Variants in ZFPM2 observed in about 807,000 individuals in gnomAD.
ZFPM2 encodes zinc finger protein, FOG family member 2, also known as zinc finger protein ZFPM2.
In ZFPM2, 20 loss-of-function variants were observed where a neutral mutation model predicts 98.6. The ratio of observed to expected loss-of-function variants is 0.20; its 90% CI spans 0.14 to 0.29. The LOEUF is 0.29. ZFPM2 is among the 10% of genes least tolerant of loss of function. The pLI, the probability that ZFPM2 is intolerant of heterozygous loss-of-function variation, is 1.00. For synonymous variants in ZFPM2, 518 were observed against 502.7 expected (o/e 1.03, Z -0.41); for missense variants, 1,310 against 1,388.6 (o/e 0.94, Z 0.90).
intron 5 of ZFPM2, among the ~76,000 whole-genome samples, chr8:105,687,757 A>G (rs1810774971): frequency 6.6e-6 from 1 of 152,190 alleles, no homozygotes; most frequent in South Asian, 2.1e-4. Context: ...AGGAAATTAG[A>G]ACATGCTTGT....
intron 6 of ZFPM2, among the ~76,000 whole-genome samples, chr8:105,791,395 C>T (rs1177161144): frequency 6.6e-6 from 1 of 152,042 alleles, no homozygotes; most frequent in Admixed American, 6.6e-5. Flanking sequence ...ATTACATTTA[C>T]TGATTTGCGT....
chr8:105,569,984 C>T (rs1033121423), intron 4 of ZFPM2, among the ~76,000 whole-genome samples: 4 of 152,138 alleles, frequency 2.6e-5, no homozygotes, highest in African/African-American at 9.7e-5. Flanking sequence ...TCTAATTGGG[C>T]TTAAGCCAGT....
Position 105,803,641 on chromosome 8 carries a change from A to AGAT in ZFPM2, c.*104_*106dup, listed in dbSNP as rs1429387396. On this transcript the variant is annotated 3_prime_UTR_variant, in exon 8 of 8. Coordinates refer to ENST00000407775, the MANE Select transcript of ZFPM2 (RefSeq NM_012082.4). Reference sequence around the variant, plus strand: ...TTTGAATTACATCTGGGCAATCAGGAGATAATTCATTATGGCTGAGTTGAA... The same window carrying AGAT: ...TTTGAATTACATCTGGGCAATCAGGAGATGATAATTCATTATGGCTGAGTTGAA... The AGAT allele has an allele frequency of 8.6e-6, 10 of 1,167,002 alleles. 1 individual carries two copies. The Admixed American group carries it at 2.1e-4, about 25-fold the overall frequency. 72.3% of individuals were successfully genotyped at this position (1,167,002 alleles called of 1,614,324 possible).
intron 3 of ZFPM2, among the ~76,000 whole-genome samples, chr8:105,557,116 A>G (rs891723966): frequency 2.0e-5 from 3 of 152,132 alleles, no homozygotes; most frequent in African/African-American, 7.2e-5. Flanking sequence ...TGTCTATGGT[A>G]CTATATCCAA....
At chr8:105,360,959 CATGATTT>C (rs1171115246) in intron 1 of ZFPM2, among the ~76,000 whole-genome samples, 1 of 146,978 alleles carries the variant, frequency 6.8e-6, no homozygotes, top group East Asian at 2.0e-4. Context: ...TTTATAGCAG[CATGATTT>C]ATAGTCCTTT....
rs142343262 is a variant in ZFPM2 at position 105,362,166 on chromosome 8, T to C, written c.40+43185T>C. Among the ~76,000 whole-genome samples the C allele has an allele frequency of 1.2e-3, 179 of 152,242 alleles. 1 individual carries two copies. Among genetic ancestry groups the C allele is most frequent in the African/African-American group, 4.2e-3 (176 of 41,498 alleles). The stretch of plus-strand genomic sequence containing the variant: ...CTATCAATTTAGTCTAGCTTAGATC[T>C]GAGACTCAATTATAACTTTCAAGTC... On this transcript the variant is annotated intron_variant, in intron 1 of 7. Transcript: ENST00000407775.
At chr8:105,718,567 T>G (rs1163884729) in intron 5 of ZFPM2, among the ~76,000 whole-genome samples, 2 of 152,132 alleles carry the variant, frequency 1.3e-5, no homozygotes, top group African/African-American at 4.8e-5. Flanking sequence ...TTTAAGACAC[T>G]AATTGAATGC....
At chr8:105,405,152 T>C (rs1811415199) in intron 1 of ZFPM2, among the ~76,000 whole-genome samples, 1 of 152,112 alleles carries the variant, frequency 6.6e-6, no homozygotes, top group South Asian at 2.1e-4. Context: ...TTGGGGGATA[T>C]GCCAGAACCC....
At chr8:105,490,549 A>G (rs1813337221) in intron 3 of ZFPM2, among the ~76,000 whole-genome samples, 1 of 152,216 alleles carries the variant, frequency 6.6e-6, no homozygotes, top group African/African-American at 2.4e-5. Flanking sequence ...GTTTACATAC[A>G]TTTTGCACAT....
intron 5 of ZFPM2, among the ~76,000 whole-genome samples, chr8:105,638,356 C>T (rs1265983666): frequency 6.6e-6 from 1 of 152,096 alleles, no homozygotes; most frequent in Non-Finnish European, 1.5e-5. Flanking sequence ...CAAGGATATG[C>T]TGCCACAAAA....
intron 4 of ZFPM2, among the ~76,000 whole-genome samples, chr8:105,575,341 C>T (rs1256388154): frequency 6.6e-6 from 1 of 152,166 alleles, no homozygotes; most frequent in Non-Finnish European, 1.5e-5. Context: ...CCCTCCCTTT[C>T]CCCAATTGTT....
chr8:105,606,936 T>A (rs1313204454), intron 4 of ZFPM2, among the ~76,000 whole-genome samples: 1 of 152,124 alleles, frequency 6.6e-6, no homozygotes, highest in Non-Finnish European at 1.5e-5. Flanking sequence ...ATAATAAGTT[T>A]GTCTTCAACT....
chr8:105,670,428 G>A (rs377409829), intron 5 of ZFPM2, among the ~76,000 whole-genome samples: 20 of 149,252 alleles, frequency 1.3e-4, no homozygotes, highest in African/African-American at 4.2e-4. Flanking sequence ...CCCGGGAGGC[G>A]GAGCTTGCAG....
At chr8:105,418,709 T>G in intron 1 of ZFPM2, 1 of 492,060 alleles carries the variant, frequency 2.0e-6, no homozygotes, top group Non-Finnish European at 4.0e-6. Flanking sequence ...AAATCTCAGT[T>G]CAATTAAAAT....
intron 5 of ZFPM2, among the ~76,000 whole-genome samples, chr8:105,693,330 G>T (rs909231355): frequency 1.6e-4 from 24 of 152,248 alleles, no homozygotes; most frequent in African/African-American, 5.5e-4. Context: ...ATTGGTGCAG[G>T]CTATTCCGCA....
intron 5 of ZFPM2, among the ~76,000 whole-genome samples, chr8:105,656,840 C>A (rs1387464582): frequency 6.6e-6 from 1 of 152,284 alleles, no homozygotes; most frequent in Admixed American, 6.5e-5. Context: ...ATTCCTGATT[C>A]TGATTCCAGT....
At chr8:105,653,845 G>C (rs1443114042) in intron 5 of ZFPM2, among the ~76,000 whole-genome samples, 2 of 97,656 alleles carry the variant, frequency 2.0e-5, no homozygotes, top group Non-Finnish European at 4.4e-5. Flanking sequence ...ACAACAGCTT[G>C]TGTGCTATCT....
intron 5 of ZFPM2, among the ~76,000 whole-genome samples, chr8:105,715,638 A>T (rs1194090626): frequency 2.6e-5 from 4 of 152,154 alleles, no homozygotes; most frequent in South Asian, 4.1e-4. Context: ...CCAGAATAAT[A>T]TTAAAAATAA....
chr8:105,656,758 A>G (rs1298206741), intron 5 of ZFPM2, among the ~76,000 whole-genome samples: 1 of 152,212 alleles, frequency 6.6e-6, no homozygotes, highest in African/African-American at 2.4e-5. Flanking sequence ...GAACTTTAGA[A>G]AAGAATACTG....
Sources: gnomAD v4.1 joint callset for allele counts (sites outside exome capture counted in the v4.1 genomes callset) on GRCh38, gnomAD v4.1.1 for gene constraint, MANE v1.5 for transcripts, NCBI Gene and HGNC (gene_info 2026-07-23, HGNC 2026-07-21) for gene names.